The following TSFM variants were observed in gnomAD, a reference collection of about 807,000 sequenced individuals.
The protein encoded by TSFM is Ts translation elongation factor, mitochondrial, also known as elongation factor Ts, mitochondrial.
In TSFM, 29 loss-of-function variants were observed where a neutral mutation model predicts 33.4. That is an observed-to-expected ratio of 0.87 (90% CI 0.65 to 1.18). The LOEUF (loss-of-function observed/expected upper bound fraction) is 1.18, where lower values mean the gene tolerates loss of function less well. Among genes scored for constraint, TSFM ranks in the 50% most tolerant of loss-of-function variants. The pLI, the probability that TSFM is intolerant of heterozygous loss-of-function variation, is 0.00. For synonymous variants in TSFM, 178 were observed against 163.5 expected, an observed-to-expected ratio of 1.09 and a Z score of -0.68; for missense variants, 394 against 395.6, an observed-to-expected ratio of 1.00 and a Z score of 0.04.
intron 4 of TSFM, among the ~76,000 whole-genome samples, chr12:57,790,300 C>G (rs541458944): frequency 1.3e-5 from 2 of 152,080 alleles, no homozygotes; most frequent in South Asian, 4.1e-4. Context: ...GAACTCCTGA[C>G]CTCGTGATCC....
At chr12:57,787,208 T>C (rs372283797) in intron 4 of TSFM, 46 bp downstream of exon 4, 8 of 1,529,656 alleles carry the variant, frequency 5.2e-6, no homozygotes, top group Non-Finnish European at 6.2e-6. Flanking sequence ...GCTGTCCTCA[T>C]TGGGTCTTTT....
chr12:57,802,435 T>TTC (rs1236961279), downstream of TSFM: 1 of 1,450,206 alleles, frequency 6.9e-7, no homozygotes, highest in Non-Finnish European at 9.4e-7. Context: ...TCTTTCCCCT[T>TTC]TCTTTCGTGA....
At chr12:57,802,084 A>C (rs1955859848), downstream of TSFM, 2 of 1,504,204 alleles carry the variant, frequency 1.3e-6, no homozygotes, top group Non-Finnish European at 1.8e-6. Flanking sequence ...GTGAATCAGT[A>C]CTCCACCTTC....
intron 2 of TSFM, among the ~76,000 whole-genome samples, chr12:57,785,140 A>T (rs867295328): frequency 6.6e-6 from 1 of 151,906 alleles, no homozygotes; most frequent in Admixed American, 6.6e-5. Context: ...GTTAGCCAGG[A>T]TGGTCTCGAT....
chr12:57,798,223 C>G (rs960168371), downstream of TSFM, among the ~76,000 whole-genome samples: 1 of 152,178 alleles, frequency 6.6e-6, no homozygotes, highest in African/African-American at 2.4e-5. Context: ...ATTCACTGCT[C>G]TCACAGTGCC....
intron 5 of TSFM, 138 bp from the exon 6 acceptor site, chr12:57,796,039 A>G: frequency 5.6e-6 from 4 of 710,506 alleles, no homozygotes; most frequent in Non-Finnish European, 8.9e-6. Context: ...TGAAAATGGT[A>G]TCTCTTCATC....
chr12:57,786,335 G>T (rs1325246981), intron 3 of TSFM, 44 bp downstream of exon 3: 3 of 1,593,220 alleles, frequency 1.9e-6, no homozygotes, highest in Admixed American at 1.7e-5. Context: ...GCTGTCCCTT[G>T]GGTGTAAAGC....
chr12:57,796,244 T>C lies in TSFM; in HGVS notation c.639T>C (p.Val213=), dbSNP rs1454668114. The change falls in exon 6 of 6, where the codon GTT becomes GTC. Residue 213 remains valine (V), a synonymous_variant. Coordinates refer to ENST00000652027, the MANE Select transcript of TSFM (RefSeq NM_005726.6). ...TGAAGGTGCCATCTGGGTTCTACGT[T>C]GGCTCTTATGTCCACGGAGCAATGC... is the stretch of plus-strand genomic sequence containing the variant. ...AWVKVPSGFY[V]GSYVHGAMQS... 6.2e-7 allele frequency: 1 copy of C among 1,613,512 alleles called. No homozygotes were observed. Among genetic ancestry groups the C allele is most frequent in the African/African-American group, 1.3e-5 (1 of 75,066 alleles).
intron 4 of TSFM, among the ~76,000 whole-genome samples, chr12:57,789,449 C>T (rs1333597432): frequency 3.3e-5 from 5 of 152,128 alleles, no homozygotes; most frequent in Non-Finnish European, 7.3e-5. Context: ...CTGCAACCTT[C>T]ACCTCCTGGG....
Position 57,796,646 on chromosome 12 carries a change from G to C in TSFM, c.*63G>C. On this transcript the variant is annotated 3_prime_UTR_variant, in exon 6 of 6. Transcript: ENST00000652027. ...TTAGCTCTGGACATCATTACAAAAA[G>C]GAATATTTCCCAAACCTCTTCAGAC... The C allele has an allele frequency of 2.4e-5, 31 of 1,287,754 alleles. No homozygotes were observed. The highest frequency in any genetic ancestry group is 2.9e-5 in the Non-Finnish European group (29 of 1,009,482). The allele number at this position is 1,287,754 out of a possible 1,614,324, so 79.8% of individuals were successfully genotyped here.
rs1276796118 is a variant in TSFM at position 57,783,251 on chromosome 12, G to A, written c.199G>A (p.Ala67Thr). The change falls in exon 2 of 6, where the codon GCT becomes ACT. Residue 67 changes from alanine (A) to threonine (T), a missense_variant. Coordinates refer to ENST00000652027, the MANE Select transcript of TSFM (RefSeq NM_005726.6). ...CTACTCCTTTGTAAATTGCAAGAAA[G>A]CTCTGGAGACTTGTGGCGGGGACCT... is the stretch of plus-strand genomic sequence containing the variant. ...TGYSFVNCKK[A>T]LETCGGDLKQ... The A allele has an allele frequency of 6.2e-7, 1 of 1,613,908 alleles. No homozygotes were observed. Among genetic ancestry groups the A allele is most frequent in the South Asian group, 1.1e-5 (1 of 91,092 alleles).
At chr12:57,783,572 G>T (rs1464432823) in intron 2 of TSFM, 1 of 635,948 alleles carries the variant, frequency 1.6e-6, no homozygotes. Flanking sequence ...AAATTGTGGG[G>T]CCCCCACACT....
chr12:57,784,010 G>T (rs1442892354), intron 2 of TSFM: 3 of 702,812 alleles, frequency 4.3e-6, no homozygotes, highest in Admixed American at 2.0e-5. Flanking sequence ...AAATGGCGTC[G>T]TTAGGAGATT....
At chr12:57,785,787 A>T (rs1955583029) in intron 2 of TSFM, among the ~76,000 whole-genome samples, 1 of 152,236 alleles carries the variant, frequency 6.6e-6, no homozygotes, top group Admixed American at 6.5e-5. Flanking sequence ...TGTAGGTAAT[A>T]TGTTGCCCTA....
chr12:57,785,792 G>A (rs946722207), intron 2 of TSFM, among the ~76,000 whole-genome samples: 2 of 152,174 alleles, frequency 1.3e-5, no homozygotes, highest in African/African-American at 4.8e-5. Flanking sequence ...GTAATATGTT[G>A]CCCTACAATG....
chr12:57,794,423 A>G (rs1274166726), intron 5 of TSFM, among the ~76,000 whole-genome samples: 1 of 152,212 alleles, frequency 6.6e-6, no homozygotes, highest in Non-Finnish European at 1.5e-5. Flanking sequence ...AAAGGGGAAA[A>G]ATAAGTTAAA....
At chr12:57,801,210 T>C (rs1222076374), downstream of TSFM, 4 of 1,613,268 alleles carry the variant, frequency 2.5e-6, no homozygotes, top group Middle Eastern at 5.0e-4. Flanking sequence ...ATGTTTTTCC[T>C]GCCTGAGAAG....
At chr12:57,794,170 T>C (rs964331502) in intron 5 of TSFM, among the ~76,000 whole-genome samples, 2 of 152,258 alleles carry the variant, frequency 1.3e-5, no homozygotes, top group African/African-American at 2.4e-5. Flanking sequence ...ATGAGGCTTA[T>C]TAAGAAATTC....
At chr12:57,788,416 A>G (rs1315386496) in intron 4 of TSFM, among the ~76,000 whole-genome samples, 1 of 152,054 alleles carries the variant, frequency 6.6e-6, no homozygotes, top group African/African-American at 2.4e-5. Flanking sequence ...AGCTGGGACT[A>G]CAGGCGCCCG....
Sources: allele counts gnomAD v4.1 joint callset (sites outside exome capture counted in the v4.1 genomes callset), GRCh38; gene constraint gnomAD v4.1.1; transcripts MANE v1.5; gene names NCBI Gene and HGNC (gene_info 2026-07-23, HGNC 2026-07-21).